The following BEND6 variants were observed in gnomAD, a reference collection of about 807,000 sequenced individuals.
BEND6 encodes the protein BEN domain-containing protein 6.
A neutral mutation model predicts 31.8 loss-of-function variants in BEND6; 24 were observed. The ratio of observed to expected loss-of-function variants is 0.75; its 90% CI spans 0.55 to 1.06. The LOEUF (loss-of-function observed/expected upper bound fraction) is 1.06. Ranked by LOEUF, BEND6 falls within the 50% of genes least tolerant of loss-of-function variation. BEND6 has a pLI of 0.00. For missense variants in BEND6, 294 were observed against 327.4 expected (o/e 0.90, Z 0.79); for synonymous variants, 109 against 114.6 (o/e 0.95, Z 0.31).
At chr6:57,004,871 G>C (rs1044609496) in intron 3 of BEND6, 8 of 621,326 alleles carry the variant, frequency 1.3e-5, no homozygotes, top group Middle Eastern at 8.7e-4. Flanking sequence ...AAATTAGCCA[G>C]ACATGGTGGC....
chr6:56,955,388 C>G lies in BEND6; in HGVS notation c.-173C>G, dbSNP rs1351703206. ...CCGAGAGGCGCTGACAGGAGCCTCC[C>G]GGCGGTGCTACCCTCCACCTCCCAC... On this transcript the variant is annotated 5_prime_UTR_variant, in exon 1 of 7. Coordinates refer to ENST00000370746, the MANE Select transcript of BEND6 (RefSeq NM_152731.3). 6.6e-6 allele frequency: 1 copy of G among 152,296 alleles called. No individual in the cohort carries two copies. The highest frequency in any genetic ancestry group is 6.5e-5 in the Admixed American group (1 of 15,288). The allele number at this position is 152,296 out of a possible 1,614,324, so 9.4% of individuals were successfully genotyped here. A position where few individuals can be genotyped will look rare whatever the true frequency, so the allele number is the denominator to read the frequency against.
chr6:56,986,588 G>T (rs2127857363), intron 2 of BEND6, among the ~76,000 whole-genome samples: 1 of 152,192 alleles, frequency 6.6e-6, no homozygotes, highest in African/African-American at 2.4e-5. Flanking sequence ...ACAATAAAAA[G>T]CTTAAACTTG....
chr6:56,963,410 A>C (rs1457049670), intron 1 of BEND6, among the ~76,000 whole-genome samples: 1 of 152,190 alleles, frequency 6.6e-6, no homozygotes, highest in Non-Finnish European at 1.5e-5. Flanking sequence ...TTTGTATTAA[A>C]AAATTATAGT....
chr6:56,968,164 A>C, intron 1 of BEND6, among the ~76,000 whole-genome samples: 1 of 152,152 alleles, frequency 6.6e-6, no homozygotes, highest in Admixed American at 6.5e-5. Context: ...TTATTCATTC[A>C]ATTAGCTTCA....
At chr6:56,978,422 C>T (rs1030701358) in intron 1 of BEND6, among the ~76,000 whole-genome samples, 11 of 152,150 alleles carry the variant, frequency 7.2e-5, no homozygotes, top group African/African-American at 2.4e-4. Flanking sequence ...CCAATTTCCT[C>T]TCCCCAACCT....
At chr6:56,976,858 C>G (rs999335688) in intron 1 of BEND6, among the ~76,000 whole-genome samples, 2 of 152,212 alleles carry the variant, frequency 1.3e-5, no homozygotes, top group African/African-American at 4.8e-5. Context: ...AGCACTGCAA[C>G]TGGTAGATTG....
At chr6:56,993,892 G>T (rs907937252) in intron 3 of BEND6, among the ~76,000 whole-genome samples, 1 of 151,980 alleles carries the variant, frequency 6.6e-6, no homozygotes, top group African/African-American at 2.4e-5. Context: ...AGAGATGGGG[G>T]TCACACTGTG....
chr6:56,969,503 A>T (rs1328675103), intron 1 of BEND6, among the ~76,000 whole-genome samples: 1 of 152,212 alleles, frequency 6.6e-6, no homozygotes, highest in Non-Finnish European at 1.5e-5. Context: ...TGACCTGAGT[A>T]CTATAAGGGG....
chr6:56,979,359 TA>T (rs1189444241), intron 1 of BEND6, among the ~76,000 whole-genome samples: 6 of 152,222 alleles, frequency 3.9e-5, no homozygotes, highest in Non-Finnish European at 8.8e-5. Context: ...ATAAACATCC[TA>T]AAAATCATTG....
intron 2 of BEND6, among the ~76,000 whole-genome samples, chr6:56,987,243 G>T (rs4715643): frequency 1.3e-5 from 2 of 151,846 alleles, no homozygotes; most frequent in African/African-American, 2.4e-5. Flanking sequence ...GCCTCCCAAA[G>T]TACTGGGATT....
At chr6:56,989,992 A>G (rs1247640974) in intron 2 of BEND6, among the ~76,000 whole-genome samples, 3 of 152,174 alleles carry the variant, frequency 2.0e-5, no homozygotes, top group Non-Finnish European at 4.4e-5. Flanking sequence ...AAATACCTGC[A>G]CTTACATTTT....
intron 1 of BEND6, among the ~76,000 whole-genome samples, chr6:56,964,875 G>T (rs1406467998): frequency 6.6e-6 from 1 of 152,088 alleles, no homozygotes; most frequent in African/African-American, 2.4e-5. Context: ...ATCCATCCTT[G>T]CTTTAATATA....
At chr6:56,971,995 A>G (rs922943397) in intron 1 of BEND6, among the ~76,000 whole-genome samples, 1 of 150,146 alleles carries the variant, frequency 6.7e-6, no homozygotes, top group East Asian at 1.9e-4. Context: ...TTTATTGCCT[A>G]TGCCCTTTGG....
chr6:57,010,877 A>C, intron 3 of BEND6: 2 of 675,176 alleles, frequency 3.0e-6, no homozygotes, highest in Non-Finnish European at 1.8e-6. Context: ...AAAATGTTAT[A>C]AAATTAAAAG....
At chr6:57,013,514 A>G (rs1827419716) in intron 3 of BEND6, among the ~76,000 whole-genome samples, 1 of 152,168 alleles carries the variant, frequency 6.6e-6, no homozygotes, top group African/African-American at 2.4e-5. Context: ...GGTTGAACTC[A>G]GTCTCTAAAT....
At chr6:56,982,965 C>A (rs531165675) in intron 2 of BEND6, among the ~76,000 whole-genome samples, 4 of 152,138 alleles carry the variant, frequency 2.6e-5, no homozygotes, top group Admixed American at 1.3e-4. Context: ...TTTACAGCTC[C>A]ATGTTATTGC....
chr6:57,005,010 T>G (rs1437289909), intron 3 of BEND6, among the ~76,000 whole-genome samples: 1 of 152,240 alleles, frequency 6.6e-6, no homozygotes, highest in Admixed American at 6.5e-5. Context: ...TGCACATTAT[T>G]GCTTAAAACA....
intron 1 of BEND6, among the ~76,000 whole-genome samples, chr6:56,979,216 G>C (rs566799544): frequency 4.7e-4 from 71 of 152,272 alleles, no homozygotes; most frequent in African/African-American, 1.7e-3. Flanking sequence ...TTCAAAGTAT[G>C]ACATGCTAAA....
chr6:56,964,014 AATTAT>A (rs1385894857), intron 1 of BEND6, among the ~76,000 whole-genome samples: 1 of 147,190 alleles, frequency 6.8e-6, no homozygotes, highest in African/African-American at 2.5e-5. Context: ...AGATAGTAGT[AATTAT>A]ATTATTACAA....
Sources: gnomAD v4.1 joint callset for allele counts (sites outside exome capture counted in the v4.1 genomes callset) on GRCh38, gnomAD v4.1.1 for gene constraint, MANE v1.5 for transcripts, NCBI Gene and HGNC (gene_info 2026-07-23, HGNC 2026-07-21) for gene names.